The following TECTA variants were observed in gnomAD, a reference collection of about 807,000 sequenced individuals.
TECTA encodes tectorin alpha, also known as alpha-tectorin.
In TECTA, 128 loss-of-function variants were observed where a neutral mutation model predicts 216.8. That is an observed-to-expected ratio of 0.59 (90% confidence interval 0.51 to 0.68). TECTA has a LOEUF of 0.68. TECTA is among the 30% of genes least tolerant of loss of function. TECTA has a pLI of 0.00. For missense variants in TECTA, 2,551 were observed against 2,786.2 expected (o/e 0.92, Z 1.90); for synonymous variants, 1,089 against 1,117.1 (o/e 0.97, Z 0.50).
At position 121,113,147 on chromosome 11, in the gene TECTA, T is replaced by C. The variant is rs1946458345; in HGVS notation, c.562T>C (p.Trp188Arg). Reference sequence around the variant, plus strand: ...CCTCTTCAATTATTACGAAATCAACTGGACCACGGGGACGGCGAGTGGCGG... The same window carrying C: ...CCTCTTCAATTATTACGAAATCAACCGGACCACGGGGACGGCGAGTGGCGG... ...FTLFNYYEIN[W>R]TTGTASGGDP... Residue 188 changes from tryptophan to arginine, a missense_variant, in exon 5 of 24, where the codon TGG (tryptophan) becomes CGG (arginine). This residue lies in a region of TECTA where 2,375 missense variants were observed against 2,563.9 expected (regional missense o/e 0.93). Coordinates refer to ENST00000392793, the MANE Select transcript of TECTA (RefSeq NM_005422.4). This position sits in a 1 kb window ranked among gnomAD's most constrained non-coding sequence, Gnocchi z 4.2. 6.2e-7 allele frequency: 1 copy of C among 1,613,974 alleles called. No homozygotes were observed. Among genetic ancestry groups the C allele is most frequent in the Admixed American group, 1.7e-5 (1 of 59,984 alleles).
At chr11:121,188,644 A>G (rs1591473880) in intron 21 of TECTA, among the ~76,000 whole-genome samples, 2 of 152,206 alleles carry the variant, frequency 1.3e-5, no homozygotes, top group East Asian at 3.8e-4. Flanking sequence ...ATTTGATTGC[A>G]CCAATACCTG....
In TECTA at chr11:121,113,259, C is replaced by G; in HGVS notation, c.624+50C>G. ...CCGCGTGTTTCCGTCGCTGCACTCTCTGCTTCTGTGGCTCAGCATCCTGGA... is the reference window on the plus strand; with the variant it reads ...CCGCGTGTTTCCGTCGCTGCACTCTGTGCTTCTGTGGCTCAGCATCCTGGA... On this transcript the variant is annotated intron_variant, in intron 5 of 23. Coordinates refer to ENST00000392793, the MANE Select transcript of TECTA (RefSeq NM_005422.4). This position sits in a 1 kb window ranked among gnomAD's most constrained non-coding sequence, Gnocchi z 4.2. The G allele has an allele frequency of 6.2e-7, 1 of 1,612,648 alleles. No individual in the cohort carries two copies. Among genetic ancestry groups the G allele is most frequent in the Non-Finnish European group, 8.5e-7 (1 of 1,179,968 alleles).
At chr11:121,190,479 G>A in intron 23 of TECTA, among the ~76,000 whole-genome samples, 1 of 152,144 alleles carries the variant, frequency 6.6e-6, no homozygotes, top group South Asian at 2.1e-4. Flanking sequence ...TGGCCAGGCT[G>A]GTCTCAAACT....
intron 20 of TECTA, among the ~76,000 whole-genome samples, chr11:121,184,721 G>A (rs963778943): frequency 5.9e-5 from 9 of 152,168 alleles, no homozygotes; most frequent in African/African-American, 1.4e-4. Context: ...AAGACACACC[G>A]ACTCCCTAAG....
chr11:121,147,082 G>T (rs1018508528), intron 12 of TECTA, among the ~76,000 whole-genome samples: 20 of 152,108 alleles, frequency 1.3e-4, no homozygotes, highest in Non-Finnish European at 1.5e-5. Flanking sequence ...AAACTTGTGG[G>T]GGTGGGGGGG....
chr11:121,121,133 A>T (rs190467142), intron 7 of TECTA, among the ~76,000 whole-genome samples: 106 of 152,286 alleles, frequency 7.0e-4, no homozygotes, highest in African/African-American at 2.5e-3. Context: ...CCTCATCTAT[A>T]AAAGGAGAAA....
At chr11:121,175,743 T>A (rs1172565168) in intron 20 of TECTA, among the ~76,000 whole-genome samples, 3 of 152,210 alleles carry the variant, frequency 2.0e-5, no homozygotes, top group East Asian at 3.8e-4. Context: ...TTCCTAGGTA[T>A]CCTTGTTAAC....
intron 20 of TECTA, among the ~76,000 whole-genome samples, chr11:121,174,359 T>C (rs1565537830): frequency 6.6e-6 from 1 of 151,350 alleles, no homozygotes; most frequent in Non-Finnish European, 1.5e-5. Context: ...TTTTGAGATA[T>C]GTCCCATCAA....
intron 20 of TECTA, among the ~76,000 whole-genome samples, chr11:121,177,019 G>C (rs1195512629): frequency 6.6e-6 from 1 of 152,176 alleles, no homozygotes; most frequent in African/African-American, 2.4e-5. Context: ...TTGGCTTTCA[G>C]CTCCATCAGC....
intron 10 of TECTA, among the ~76,000 whole-genome samples, chr11:121,136,301 G>C (rs536273114): frequency 3.9e-5 from 6 of 152,242 alleles, no homozygotes; most frequent in African/African-American, 1.2e-4. Flanking sequence ...TGGGAAGATG[G>C]GCAATTTGAA....
At chr11:121,156,999 A>G (rs898827895) in intron 13 of TECTA, among the ~76,000 whole-genome samples, 1 of 152,220 alleles carries the variant, frequency 6.6e-6, no homozygotes, top group Non-Finnish European at 1.5e-5. Flanking sequence ...TACTTCCATC[A>G]GAAGTAAATT....
chr11:121,164,564 C>T (rs1947032490), intron 16 of TECTA, among the ~76,000 whole-genome samples: 1 of 152,190 alleles, frequency 6.6e-6, no homozygotes, highest in African/African-American at 2.4e-5. Flanking sequence ...TTCATAATAA[C>T]ATCGTGATGA....
chr11:121,158,266 C>T, intron 14 of TECTA, 42 bp downstream of exon 14: 1 of 1,604,604 alleles, frequency 6.2e-7, no homozygotes. Context: ...GGCCCGGAAA[C>T]AAGGGGTTGG....
At position 121,189,770 on chromosome 11, in the gene TECTA, A is replaced by G. The variant is rs1259783359; in HGVS notation, c.6257A>G (p.Asp2086Gly). ...CCTAACTGCTCTTTTGTAGGGCTGG[A>G]CTGGTGTGAGGACAATGGAGGGTGT... is the stretch of plus-strand genomic sequence containing the variant. Reference protein sequence around the residue: ...SVGPIRRKRLDWCEDNGGCEQ... With the variant: ...SVGPIRRKRLGWCEDNGGCEQ... Residue 2086 changes from aspartate (D) to glycine (G), a missense_variant, in exon 23 of 24, where the codon GAC becomes GGC. By Grantham distance (94) the Asp-to-Gly change is moderately conservative. Around this residue, in one of 3 missense-constraint regions of TECTA, gnomAD observed 118 missense variants for 116.4 expected, o/e 1.01. Coordinates refer to ENST00000392793, the MANE Select transcript of TECTA (RefSeq NM_005422.4). 4 of 1,613,726 alleles carry G rather than the reference A, an allele frequency of 2.5e-6. No homozygotes were observed. Among genetic ancestry groups the G allele is most frequent in the Non-Finnish European group, 3.4e-6 (4 of 1,179,914 alleles).
rs1946637653 is a variant in TECTA at position 121,128,340 on chromosome 11, T to A, written c.2363T>A (p.Val788Asp). 6.3e-7 allele frequency: 1 copy of A among 1,599,374 alleles called. No individual in the cohort carries two copies. ...VKIGGIGASE[V>D]KLNGQEVELP... ...ATAGGAGGCATCGGGGCTTCGGAAG[T>A]CAAGGTAAGGCTCCTTGCTCCTTTG... The change falls in exon 9 of 24, where the codon GTC becomes GAC. Residue 788 changes from valine to aspartate, a missense_variant. Physicochemically the swap from Val to Asp is radical, Grantham distance 152. Transcript: ENST00000392793.
rs758356955 is a variant in TECTA at position 121,153,021 on chromosome 11, G to A, written c.4246G>A (p.Gly1416Ser). 1.2e-6 allele frequency: 2 copies of A among 1,614,170 alleles called. No individual in the cohort carries two copies. Among genetic ancestry groups the A allele is most frequent in the South Asian group, 1.1e-5 (1 of 91,082 alleles). ...CTGCGACGCTGGCTACGTCCTCAAC[G>A]GCAAGAGCTGCATCCTGCCCCACAG... ...CHCDAGYVLN[G>S]KSCILPHSCG... The change falls in exon 13 of 24, where the codon GGC (glycine) becomes AGC (serine). Residue 1416 changes from glycine to serine, a missense_variant. Physicochemically the swap from Gly to Ser is moderately conservative, Grantham distance 56. Around this residue, in one of 3 missense-constraint regions of TECTA, gnomAD observed 2,375 missense variants for 2,563.9 expected, o/e 0.93. Coordinates refer to ENST00000392793, the MANE Select transcript of TECTA (RefSeq NM_005422.4).
intron 23 of TECTA, 74 bp from the exon 24 acceptor site, chr11:121,190,632 G>A (rs1464899621): frequency 1.7e-6 from 2 of 1,179,490 alleles, no homozygotes; most frequent in East Asian, 2.4e-5. Context: ...GCTGAGTGCT[G>A]CAAAGATGTC....
At chr11:121,161,986 G>A in intron 15 of TECTA, 89 bp from the exon 16 acceptor site, 1 of 1,563,808 alleles carries the variant, frequency 6.4e-7, no homozygotes. Context: ...CAATGCACTA[G>A]CTTCAGGGGT....
chr11:121,148,995 A>G (rs1946865758), intron 12 of TECTA, among the ~76,000 whole-genome samples: 1 of 152,220 alleles, frequency 6.6e-6, no homozygotes, highest in Non-Finnish European at 1.5e-5. Flanking sequence ...AAAGAGAAGG[A>G]AATAAAAAAG....
Sources: allele counts gnomAD v4.1 joint callset (sites outside exome capture counted in the v4.1 genomes callset), GRCh38; gene constraint gnomAD v4.1.1; regional missense constraint gnomAD v4.1.1; non-coding constraint Gnocchi (gnomAD v3.1); transcripts MANE v1.5; gene names NCBI Gene and HGNC (gene_info 2026-07-23, HGNC 2026-07-21).